Variants in FER1L6 observed in about 807,000 individuals in gnomAD.
FER1L6 encodes the protein fer-1 like family member 6.
A neutral mutation model predicts 219.2 loss-of-function variants in FER1L6; 177 were observed. The observed-to-expected ratio is 0.81, with a 90% CI of 0.71 to 0.91. FER1L6 has a LOEUF of 0.91. Ranked by LOEUF, FER1L6 falls within the 40% of genes least tolerant of loss-of-function variation. FER1L6 has a pLI of 0.00. For missense variants in FER1L6, 2,153 were observed against 2,259.9 expected, an observed-to-expected ratio of 0.95 and a Z score of 0.96; for synonymous variants, 768 against 824.3, an observed-to-expected ratio of 0.93 and a Z score of 1.17.
chr8:124,070,287 A>T (rs1008252190), intron 29 of FER1L6, among the ~76,000 whole-genome samples, 180 bp from the exon 30 acceptor site: 6 of 152,194 alleles, frequency 3.9e-5, no homozygotes, highest in African/African-American at 1.4e-4. Flanking sequence ...TCATAGTAGT[A>T]GTTTCAGGAG....
intron 33 of FER1L6, among the ~76,000 whole-genome samples, chr8:124,090,030 C>T (rs1821959147): frequency 6.6e-6 from 1 of 152,206 alleles, no homozygotes; most frequent in South Asian, 2.1e-4. Context: ...ACAAAAGCCA[C>T]TGCACACCTC....
rs879071040 is a variant in FER1L6 at position 124,101,199 on chromosome 8, G to C, written c.4986G>C (p.Gln1662His). 38 of 1,613,782 alleles carry C rather than the reference G, an allele frequency of 2.4e-5. No individual in the cohort carries two copies. The highest frequency in any genetic ancestry group is 1.2e-4 in the South Asian group (11 of 91,072). Residue 1662 changes from glutamine (Q) to histidine (H), a missense_variant, in exon 38 of 41, where the codon CAG becomes CAC. Transcript: ENST00000522917. Reference protein sequence around the residue: ...NFNWRFLFPFQYLPAEKQMVI... With the variant: ...NFNWRFLFPFHYLPAEKQMVI... ...ACTGGCGCTTCCTGTTTCCCTTTCA[G>C]TATCTCCCAGCTGAGAAGCAAATGG... is the stretch of plus-strand genomic sequence containing the variant.
At chr8:123,939,271 T>C in intron 1 of FER1L6, 1 of 866,076 alleles carries the variant, frequency 1.2e-6, no homozygotes, top group Non-Finnish European at 1.4e-6. Context: ...TTTGATAAAT[T>C]TTATTACATA....
rs71289637 is a variant in FER1L6, at chr8:124,114,895, G to GTATATATA, written c.5290-3917_5290-3910dup. Among the ~76,000 whole-genome samples, 161 of 90,048 alleles carry GTATATATA rather than the reference G, an allele frequency of 1.8e-3. 2 individuals carry two copies. Among genetic ancestry groups the GTATATATA allele is most frequent in the Non-Finnish European group, 2.5e-3 (111 of 44,098 alleles). 59.1% of individuals were successfully genotyped at this position (90,048 alleles called of 152,430 possible). A position where few individuals can be genotyped will look rare whatever the true frequency, so the allele number is the denominator to read the frequency against. On this transcript the variant is annotated intron_variant, in intron 39 of 40. Coordinates refer to ENST00000522917, the MANE Select transcript of FER1L6 (RefSeq NM_001039112.2). ...ACATATATATGCAGTGTGTGTGTGCGTATATATATATATATATATATATAT... is the reference window on the plus strand; with the variant it reads ...ACATATATATGCAGTGTGTGTGTGCGTATATATATATATATATATATATATATATATAT...
chr8:123,981,161 G>T (rs1816310879), intron 11 of FER1L6, among the ~76,000 whole-genome samples: 1 of 152,200 alleles, frequency 6.6e-6, no homozygotes, highest in African/African-American at 2.4e-5. Flanking sequence ...TGTTAGCTTA[G>T]AGTAAGCTCC....
At chr8:123,914,612 A>G (rs771584003) in intron 1 of FER1L6, among the ~76,000 whole-genome samples, 1 of 152,230 alleles carries the variant, frequency 6.6e-6, no homozygotes, top group Non-Finnish European at 1.5e-5. Flanking sequence ...GGATAAAGGC[A>G]GACATCAGGA....
intron 18 of FER1L6, among the ~76,000 whole-genome samples, chr8:124,034,035 G>A (rs1003098349): frequency 2.6e-5 from 4 of 152,128 alleles, no homozygotes; most frequent in Admixed American, 1.3e-4. Flanking sequence ...AAGGCAAACA[G>A]CCATGCTCAA....
At position 123,852,371 on chromosome 8, in the gene FER1L6, T is replaced by C. The variant is rs187340283; in HGVS notation, c.-8+186T>C. 7.6e-4 allele frequency among the ~76,000 whole-genome samples: 115 copies of C among 152,194 alleles called. 1 individual carries two copies. The highest frequency in any genetic ancestry group is 2.2e-3 in the African/African-American group (92 of 41,544). ...TCACCCCAGGGAATGGTGCCATATA[T>C]TGGGGACTCAGCATTGGTCTCTGCT... On this transcript the variant is annotated intron_variant, in intron 1 of 40. Coordinates refer to ENST00000522917, the MANE Select transcript of FER1L6 (RefSeq NM_001039112.2). This position sits in a 1 kb window ranked among gnomAD's most constrained non-coding sequence, Gnocchi z 4.9.
At chr8:123,873,717 G>GGCT (rs1355086942) in intron 1 of FER1L6, among the ~76,000 whole-genome samples, 2 of 152,086 alleles carry the variant, frequency 1.3e-5, no homozygotes, top group Non-Finnish European at 2.9e-5. Context: ...AATGCCTGGT[G>GGCT]GCTTCCCTGT....
chr8:124,025,209 A>T (rs1586606495), intron 18 of FER1L6, among the ~76,000 whole-genome samples: 1 of 94,692 alleles, frequency 1.1e-5, no homozygotes, highest in Non-Finnish European at 2.3e-5. Context: ...AATTAGGTAC[A>T]ATTTATTTTT....
chr8:123,891,009 C>T (rs1266642156), intron 1 of FER1L6, among the ~76,000 whole-genome samples: 15 of 151,410 alleles, frequency 9.9e-5, no homozygotes, highest in Admixed American at 9.9e-4. Context: ...TCACCTTGCC[C>T]TTAAGGAAAT....
rs10111932 is a variant in FER1L6, at chr8:124,111,290, G to A, written c.5290-7554G>A. 0.02 allele frequency among the ~76,000 whole-genome samples: 3,025 copies of A among 152,262 alleles called. 106 individuals are homozygous for A. Among genetic ancestry groups the A allele is most frequent in the African/African-American group, 0.069 (2,873 of 41,532 alleles). On this transcript the variant is annotated intron_variant, in intron 39 of 40. Coordinates refer to ENST00000522917, the MANE Select transcript of FER1L6 (RefSeq NM_001039112.2). The surrounding 1 kb of genome is among the most constrained non-coding windows in gnomAD (Gnocchi z 5.0). ...CTTACACCTCCTAAAGGGAAAATAA[G>A]AATTGACTTCATCTTCATGCATACC... is the stretch of plus-strand genomic sequence containing the variant.
At chr8:123,872,312 C>T (rs1167153952) in intron 1 of FER1L6, among the ~76,000 whole-genome samples, 2 of 152,120 alleles carry the variant, frequency 1.3e-5, no homozygotes, top group East Asian at 3.9e-4. Flanking sequence ...ACTATATCAC[C>T]GTCATTCTAG....
intron 1 of FER1L6, among the ~76,000 whole-genome samples, chr8:123,875,151 C>T (rs996396526): frequency 1.3e-5 from 2 of 152,052 alleles, no homozygotes; most frequent in Non-Finnish European, 2.9e-5. Flanking sequence ...GCCAAGATGA[C>T]ACTACTGCAC....
chr8:123,985,984 C>A, intron 11 of FER1L6, 84 bp from the exon 12 acceptor site: 2 of 750,180 alleles, frequency 2.7e-6, no homozygotes, highest in Non-Finnish European at 4.7e-6. Flanking sequence ...ATAAATTATG[C>A]TGGATGAGGC....
chr8:123,854,437 C>T (rs995532341), intron 1 of FER1L6, among the ~76,000 whole-genome samples: 3 of 152,098 alleles, frequency 2.0e-5, no homozygotes, highest in Admixed American at 6.6e-5. Context: ...AGCTTCATCT[C>T]GGATCTCTGC....
chr8:124,111,704 A>G lies in FER1L6; in HGVS notation c.5290-7140A>G, dbSNP rs1823029638. On this transcript the variant is annotated intron_variant, in intron 39 of 40. Coordinates refer to ENST00000522917, the MANE Select transcript of FER1L6 (RefSeq NM_001039112.2). The surrounding 1 kb of genome is among the most constrained non-coding windows in gnomAD (Gnocchi z 5.0). ...CGTGGCATTTGTAAACTATCATGGCACTCGCCGGTGGGAGTGTAGCAGTGA... is the reference window on the plus strand; with the variant it reads ...CGTGGCATTTGTAAACTATCATGGCGCTCGCCGGTGGGAGTGTAGCAGTGA... Among the ~76,000 whole-genome samples the G allele has an allele frequency of 6.6e-6, 1 of 151,932 alleles. No individual in the cohort carries two copies. Among genetic ancestry groups the G allele is most frequent in the Non-Finnish European group, 1.5e-5 (1 of 67,986 alleles).
rs557663906 is a variant in FER1L6, at chr8:123,882,943, A to G, written c.-8+30758A>G. On this transcript the variant is annotated intron_variant, in intron 1 of 40. Transcript: ENST00000522917. ...GTTAACAAGTGAACCATTCTGGTGC[A>G]GGGATATTGATGATGGGGAAGGGTA... Among the ~76,000 whole-genome samples, 74 of 152,290 alleles carry G rather than the reference A, an allele frequency of 4.9e-4. 1 individual carries two copies. Among genetic ancestry groups the G allele is most frequent in the Admixed American group, 4.7e-3 (72 of 15,296 alleles).
rs753954664 is a variant in FER1L6, at chr8:124,035,290, G to T, written c.2300G>T (p.Arg767Leu). ...ACCTTTCTCCAGCCTCCTGGGAAAC[G>T]ACCGGCTGGTTGGTCTGTGCAAGCA... ...KTHFLKPPGK[R>L]PAGWSVQAKV... Residue 767 changes from arginine to leucine, a missense_variant, in exon 19 of 41, where the codon CGA (arginine) becomes CTA (leucine). Coordinates refer to ENST00000522917, the MANE Select transcript of FER1L6 (RefSeq NM_001039112.2). 1 of 1,613,560 alleles carries T rather than the reference G, an allele frequency of 6.2e-7. No individual in the cohort carries two copies. The highest frequency in any genetic ancestry group is 1.1e-5 in the South Asian group (1 of 90,952).
Sources: gnomAD v4.1 joint callset for allele counts (sites outside exome capture counted in the v4.1 genomes callset) on GRCh38, gnomAD v4.1.1 for gene constraint, Gnocchi (gnomAD v3.1) non-coding constraint, MANE v1.5 for transcripts, NCBI Gene and HGNC (gene_info 2026-07-23, HGNC 2026-07-21) for gene names.